Variants in FHIT observed in about 807,000 individuals in gnomAD.
FHIT encodes fragile histidine triad diadenosine triphosphatase.
Under a neutral mutation model 17.9 loss-of-function variants are expected in FHIT, and 19 were observed. The observed-to-expected ratio is 1.06, with a 90% CI of 0.74 to 1.56. The LOEUF is 1.56. Ranked by LOEUF, FHIT falls within the 40% of genes most tolerant of loss-of-function variation. FHIT has a pLI of 0.00. For missense variants in FHIT, 248 were observed against 189.2 expected (o/e 1.31, Z -1.82); for synonymous variants, 81 against 69.7 (o/e 1.16, Z -0.81).
chr3:61,078,252 T>A (rs1039573459), intron 2 of FHIT, among the ~76,000 whole-genome samples: 4 of 152,184 alleles, frequency 2.6e-5, no homozygotes, highest in African/African-American at 9.7e-5. Flanking sequence ...GTGTCTGACA[T>A]CCCGTCTTAA....
At chr3:59,881,409 C>T (rs1002296850) in intron 8 of FHIT, among the ~76,000 whole-genome samples, 2 of 152,106 alleles carry the variant, frequency 1.3e-5, no homozygotes, top group Non-Finnish European at 2.9e-5. Flanking sequence ...CGGGCAATAG[C>T]TCATTACTAA....
intron 5 of FHIT, among the ~76,000 whole-genome samples, chr3:60,087,168 G>A (rs929067311): frequency 1.3e-5 from 2 of 152,208 alleles, no homozygotes; most frequent in African/African-American, 4.8e-5. Flanking sequence ...GCTGGAGCCA[G>A]AGCAGCTGGG....
chr3:60,441,793 T>C (rs796455595), intron 5 of FHIT, among the ~76,000 whole-genome samples: 1 of 111,256 alleles, frequency 9.0e-6, no homozygotes, highest in African/African-American at 3.0e-5. Context: ...AATATATATA[T>C]ATATATATAT....
intron 8 of FHIT, among the ~76,000 whole-genome samples, chr3:59,903,642 G>T: frequency 6.6e-6 from 1 of 152,142 alleles, no homozygotes. Flanking sequence ...AGAAGAGGAG[G>T]ATTATTGTAG....
At chr3:61,143,266 G>GA (rs1394056648) in intron 2 of FHIT, among the ~76,000 whole-genome samples, 2 of 151,972 alleles carry the variant, frequency 1.3e-5, no homozygotes, top group African/African-American at 2.4e-5. Flanking sequence ...TACTGGGAAA[G>GA]AAAAAAACAG....
chr3:61,148,045 G>GTT (rs1176873175), intron 2 of FHIT, among the ~76,000 whole-genome samples: 2 of 149,986 alleles, frequency 1.3e-5, no homozygotes, highest in African/African-American at 2.4e-5. Flanking sequence ...AGGGAGAAAA[G>GTT]TTTAAAAAAA....
intron 5 of FHIT, among the ~76,000 whole-genome samples, chr3:60,401,879 C>T (rs1176096433): frequency 6.6e-6 from 1 of 152,106 alleles, no homozygotes; most frequent in East Asian, 1.9e-4. Context: ...GCCCTACTTG[C>T]CTTAATCAGA....
intron 7 of FHIT, among the ~76,000 whole-genome samples, chr3:59,931,238 G>A (rs1399425812): frequency 2.0e-5 from 3 of 152,128 alleles, no homozygotes; most frequent in African/African-American, 7.2e-5. Flanking sequence ...TCTACGGTGA[G>A]CCTTGCTGAA....
chr3:60,865,109 G>C (rs1313901498), intron 3 of FHIT, among the ~76,000 whole-genome samples: 3 of 151,992 alleles, frequency 2.0e-5, no homozygotes, highest in African/African-American at 7.2e-5. Flanking sequence ...GCTCAAATCA[G>C]AATCCCCCAA....
At chr3:60,073,963 TGAGAG>T (rs540051623) in intron 5 of FHIT, among the ~76,000 whole-genome samples, 2 of 152,184 alleles carry the variant, frequency 1.3e-5, no homozygotes, top group Non-Finnish European at 2.9e-5. Context: ...TTCTTATTCC[TGAGAG>T]GAGTATACTG....
intron 8 of FHIT, among the ~76,000 whole-genome samples, chr3:59,906,778 T>C (rs1704603780): frequency 6.6e-6 from 1 of 152,224 alleles, no homozygotes; most frequent in Non-Finnish European, 1.5e-5. Flanking sequence ...TAAATAGCAT[T>C]CAAGATGATA....
At chr3:60,885,059 G>C (rs143310165) in intron 3 of FHIT, among the ~76,000 whole-genome samples, 80 of 152,232 alleles carry the variant, frequency 5.3e-4, no homozygotes, top group African/African-American at 1.9e-3. Flanking sequence ...GGTGGCAAGA[G>C]GGGTGAAGAG....
chr3:60,456,866 T>C (rs1018013332), intron 5 of FHIT, among the ~76,000 whole-genome samples: 2 of 151,968 alleles, frequency 1.3e-5, no homozygotes, highest in Admixed American at 6.6e-5. Flanking sequence ...AGGAATCCAA[T>C]TTACAAGAGA....
intron 8 of FHIT, among the ~76,000 whole-genome samples, chr3:59,795,357 C>G (rs566080052): frequency 1.3e-4 from 20 of 151,418 alleles, no homozygotes; most frequent in African/African-American, 4.8e-4. Flanking sequence ...GCACTCCAGC[C>G]TGGGTGACAG....
intron 1 of FHIT, among the ~76,000 whole-genome samples, chr3:61,207,429 G>A (rs1291068417): frequency 6.6e-6 from 1 of 152,180 alleles, no homozygotes; most frequent in Non-Finnish European, 1.5e-5. Flanking sequence ...GTAGAATTCA[G>A]CTGTGAATCC....
chr3:60,062,374 C>G (rs192682006), intron 5 of FHIT, among the ~76,000 whole-genome samples: 1 of 152,116 alleles, frequency 6.6e-6, no homozygotes, highest in African/African-American at 2.4e-5. Context: ...GAGTAACTGT[C>G]GTAACACTCT....
At chr3:60,971,425 A>G (rs1295295883) in intron 3 of FHIT, among the ~76,000 whole-genome samples, 1 of 152,198 alleles carries the variant, frequency 6.6e-6, no homozygotes, top group African/African-American at 2.4e-5. Context: ...AACCATTTTT[A>G]TAGGTATTTT....
chr3:61,249,991 A>AC (rs1553886933), intron 1 of FHIT, among the ~76,000 whole-genome samples: 119 of 100,458 alleles, frequency 1.2e-3, no homozygotes, highest in Admixed American at 1.6e-3. Context: ...CACACACACA[A>AC]ACCCTAGACT....
intron 3 of FHIT, among the ~76,000 whole-genome samples, chr3:60,886,178 G>C (rs1466953229): frequency 2.6e-5 from 4 of 152,092 alleles, no homozygotes; most frequent in African/African-American, 9.7e-5. Flanking sequence ...TGACAAATTT[G>C]ATTATCTTAT....
Sources: allele counts gnomAD v4.1 joint callset (sites outside exome capture counted in the v4.1 genomes callset), GRCh38; gene constraint gnomAD v4.1.1; transcripts MANE v1.5; gene names NCBI Gene and HGNC (gene_info 2026-07-23, HGNC 2026-07-21).